The following KCNMA1 variants were observed in gnomAD, a reference collection of about 807,000 sequenced individuals.
KCNMA1 encodes the protein potassium calcium-activated channel subfamily M alpha 1, also known as Calcium-activated potassium channel subunit alpha-1.
Under a neutral mutation model 140.0 loss-of-function variants are expected in KCNMA1, and 29 were observed. The observed-to-expected ratio is 0.21, with a 90% CI of 0.15 to 0.28. The LOEUF (loss-of-function observed/expected upper bound fraction) is 0.28, where lower values mean the gene tolerates loss of function less well. Among genes scored for constraint, KCNMA1 ranks in the 10% least tolerant of loss-of-function variants. The probability of loss-of-function intolerance (pLI) is 1.00; values close to 1 mark genes in which losing one functional copy is unlikely to be tolerated. For synonymous variants in KCNMA1, 612 were observed against 611.9 expected (o/e 1.00, Z 0.00); for missense variants, 880 against 1,602.2 (o/e 0.55, Z 7.70).
intron 9 of KCNMA1, among the ~76,000 whole-genome samples, chr10:77,104,733 T>C (rs1360688747): frequency 1.3e-5 from 2 of 152,206 alleles, no homozygotes; most frequent in Non-Finnish European, 2.9e-5. Context: ...CATGTGACCT[T>C]GGACCACGAT....
intron 5 of KCNMA1, among the ~76,000 whole-genome samples, chr10:77,178,725 A>AACAT (rs1395127223): frequency 6.6e-6 from 1 of 152,148 alleles, no homozygotes; most frequent in Non-Finnish European, 1.5e-5. Context: ...AAAACAAAAA[A>AACAT]ACATACACAC....
At chr10:77,140,585 G>C (rs1023266638) in intron 5 of KCNMA1, 1 of 152,520 alleles carries the variant, frequency 6.6e-6, no homozygotes, top group Non-Finnish European at 1.5e-5. Context: ...GAAAGACCTG[G>C]AGGAGCCTGT....
At chr10:76,877,997 CG>C in intron 29 of KCNMA1, 1 of 1,068,248 alleles carries the variant, frequency 9.4e-7, no homozygotes, top group Non-Finnish European at 1.4e-6. Context: ...AAAAGGTAAT[CG>C]ATAGAAGCCG....
At chr10:77,544,258 A>G (rs1299098958) in intron 1 of KCNMA1, among the ~76,000 whole-genome samples, 1 of 150,906 alleles carries the variant, frequency 6.6e-6, no homozygotes, top group Non-Finnish European at 1.5e-5. Flanking sequence ...GAGATTTTTG[A>G]GTAATTTTTA....
intron 12 of KCNMA1, 197 bp from the exon 13 acceptor site, chr10:77,079,747 A>C (rs2096515549): frequency 3.2e-6 from 2 of 624,408 alleles, no homozygotes; most frequent in South Asian, 3.6e-5. Flanking sequence ...GCAACTTTTC[A>C]CTGGACAAGC....
chr10:77,143,026 A>C (rs2098214754), intron 5 of KCNMA1, among the ~76,000 whole-genome samples: 1 of 152,142 alleles, frequency 6.6e-6, no homozygotes, highest in Non-Finnish European at 1.5e-5. Flanking sequence ...TATTACACAA[A>C]CTCTTTCAGG....
At chr10:77,231,511 A>G (rs890461285) in intron 3 of KCNMA1, among the ~76,000 whole-genome samples, 9 of 152,036 alleles carry the variant, frequency 5.9e-5, no homozygotes, top group Admixed American at 1.3e-4. Context: ...TCTTTTTTTT[A>G]GGTTTGCCAC....
intron 1 of KCNMA1, among the ~76,000 whole-genome samples, chr10:77,588,568 G>A (rs2077986344): frequency 1.3e-5 from 2 of 152,350 alleles, no homozygotes; most frequent in South Asian, 4.1e-4. Context: ...ATTTTAGACA[G>A]AGGTCCCGTG....
intron 16 of KCNMA1, among the ~76,000 whole-genome samples, chr10:77,025,242 G>GTATGTATATA (rs1555136871): frequency 7.0e-5 from 3 of 42,742 alleles, no homozygotes; most frequent in African/African-American, 2.3e-4. Flanking sequence ...GGGTGTGTGT[G>GTATGTATATA]TATATATATA....
At chr10:77,230,014 C>CA in intron 3 of KCNMA1, among the ~76,000 whole-genome samples, 3 of 152,208 alleles carry the variant, frequency 2.0e-5, no homozygotes, top group African/African-American at 7.2e-5. Flanking sequence ...GCATTATTCA[C>CA]AATAGCCAAA....
At chr10:77,228,849 G>A (rs1486489173) in intron 3 of KCNMA1, among the ~76,000 whole-genome samples, 2 of 152,168 alleles carry the variant, frequency 1.3e-5, no homozygotes, top group Non-Finnish European at 1.5e-5. Context: ...TACCATGGGC[G>A]CCAACCCTAA....
At chr10:77,456,973 T>C (rs1314106810) in intron 1 of KCNMA1, among the ~76,000 whole-genome samples, 1 of 152,226 alleles carries the variant, frequency 6.6e-6, no homozygotes, top group Non-Finnish European at 1.5e-5. Context: ...TTACTGGTTA[T>C]TGATTATGTT....
intron 2 of KCNMA1, among the ~76,000 whole-genome samples, chr10:77,355,458 G>C (rs561046884): frequency 6.6e-6 from 1 of 152,250 alleles, no homozygotes; most frequent in African/African-American, 2.4e-5. Flanking sequence ...AGTCCAATCA[G>C]AGTGACTCTC....
chr10:77,063,571 C>T (rs1376149137), intron 14 of KCNMA1: 1 of 196,054 alleles, frequency 5.1e-6, no homozygotes, highest in Non-Finnish European at 9.2e-6. Flanking sequence ...TTTTGCACCC[C>T]TAGATGTGTA....
chr10:77,085,694 A>G (rs554377482), intron 11 of KCNMA1, among the ~76,000 whole-genome samples: 1 of 152,308 alleles, frequency 6.6e-6, no homozygotes, highest in African/African-American at 2.4e-5. Flanking sequence ...GAAAGAATTT[A>G]TCCAAATCCT....
Position 76,885,288 on chromosome 10 carries a change from A to T in KCNMA1, c.*1978T>A. 1.5e-6 allele frequency: 1 copy of T among 682,434 alleles called. No individual in the cohort carries two copies. The allele number at this position is 682,434 out of a possible 1,614,324, so 42.3% of individuals were successfully genotyped here. ...TTTATATAAAGAGATAGTTATACAT[A>T]ATATAAATCAATATATAGAGGGACA... On this transcript the variant is annotated 3_prime_UTR_variant, in exon 28 of 28. Transcript: ENST00000286628.
chr10:77,418,340 C>G (rs539665489), intron 1 of KCNMA1, among the ~76,000 whole-genome samples: 1 of 152,170 alleles, frequency 6.6e-6, no homozygotes, highest in Non-Finnish European at 1.5e-5. Context: ...CCCTGGACGT[C>G]GAGAGAGACT....
At chr10:77,340,688 A>C (rs746965192) in intron 2 of KCNMA1, among the ~76,000 whole-genome samples, 158 of 150,770 alleles carry the variant, frequency 1.0e-3, no homozygotes, top group South Asian at 1.9e-3. Context: ...AGGAAAGGGA[A>C]CATCACACAC....
chr10:76,946,001 A>T (rs548843135), intron 22 of KCNMA1, among the ~76,000 whole-genome samples: 9 of 152,188 alleles, frequency 5.9e-5, no homozygotes, highest in African/African-American at 2.2e-4. Context: ...TTATAACAAG[A>T]ACATATTTGT....
Sources: allele counts gnomAD v4.1 joint callset (sites outside exome capture counted in the v4.1 genomes callset), GRCh38; gene constraint gnomAD v4.1.1; transcripts MANE v1.5; gene names NCBI Gene and HGNC (gene_info 2026-07-23, HGNC 2026-07-21).